Variants in REEP1 observed in about 807,000 individuals in gnomAD.
REEP1 encodes receptor accessory protein 1, also known as receptor expression-enhancing protein 1.
A neutral mutation model predicts 40.3 loss-of-function variants in REEP1; 22 were observed. The observed-to-expected ratio is 0.55, with a 90% CI of 0.39 to 0.78. REEP1 has a LOEUF of 0.78. Among genes scored for constraint, REEP1 ranks in the 30% least tolerant of loss-of-function variants. The pLI, the probability that REEP1 is intolerant of heterozygous loss-of-function variation, is 0.00. For synonymous variants in REEP1, 116 were observed against 139.2 expected, an observed-to-expected ratio of 0.83 and a Z score of 1.17; for missense variants, 280 against 361.1, an observed-to-expected ratio of 0.78 and a Z score of 1.82.
At chr2:86,285,770 T>C (rs1051194509) in intron 1 of REEP1, among the ~76,000 whole-genome samples, 1 of 152,230 alleles carries the variant, frequency 6.6e-6, no homozygotes. Flanking sequence ...TTGAAATGTC[T>C]GTTGAGTAAC....
intron 1 of REEP1, among the ~76,000 whole-genome samples, chr2:86,289,827 C>T (rs1046759179): frequency 8.6e-5 from 13 of 151,916 alleles, no homozygotes; most frequent in Non-Finnish European, 4.4e-5. Flanking sequence ...ATTAGATTTT[C>T]GAGTGGTTAT....
intron 3 of REEP1, 95 bp downstream of exon 3, chr2:86,263,870 G>C: frequency 1.1e-6 from 1 of 876,526 alleles, no homozygotes; most frequent in Non-Finnish European, 2.0e-6. Context: ...GGCCTGAGGT[G>C]AGGTTTGAGG....
At chr2:86,336,042 G>C (rs1014474247) in intron 1 of REEP1, among the ~76,000 whole-genome samples, 1 of 152,086 alleles carries the variant, frequency 6.6e-6, no homozygotes, top group Non-Finnish European at 1.5e-5. Context: ...CACCCTGAGG[G>C]CTTCCCAGAA....
chr2:86,264,114 G>A (rs1677017910), intron 2 of REEP1, 73 bp from the exon 3 acceptor site: 2 of 1,158,132 alleles, frequency 1.7e-6, no homozygotes, highest in Admixed American at 1.7e-5. Flanking sequence ...AGGAAGAACA[G>A]GCCCCGGCGG....
At chr2:86,321,032 G>A (rs576194051) in intron 1 of REEP1, among the ~76,000 whole-genome samples, 1 of 152,272 alleles carries the variant, frequency 6.6e-6, no homozygotes, top group South Asian at 2.1e-4. Flanking sequence ...GACCAGGCTG[G>A]TCTTGAACTC....
At chr2:86,276,938 C>G (rs1356980361) in intron 2 of REEP1, among the ~76,000 whole-genome samples, 2 of 152,206 alleles carry the variant, frequency 1.3e-5, no homozygotes, top group Admixed American at 6.5e-5. Context: ...CTAACGCACT[C>G]ACAACATTTT....
rs558425594 is a variant in REEP1, at chr2:86,318,952, A to G, written c.32+18527T>C. Among the ~76,000 whole-genome samples the G allele has an allele frequency of 3.4e-4, 52 of 152,340 alleles. 1 individual carries two copies. In the South Asian group the frequency reaches 0.011, roughly 31 times the overall value. On this transcript the variant is annotated intron_variant, in intron 1 of 8. Coordinates refer to ENST00000538924, the MANE Select transcript of REEP1 (RefSeq NM_001371279.1). ...CAAAATCAAAAGTGTAATCAATATA[A>G]ATAATATTTGTAAACATTGATATTC...
intron 5 of REEP1, among the ~76,000 whole-genome samples, chr2:86,241,350 AC>A (rs1395988819): frequency 6.6e-6 from 1 of 152,246 alleles, no homozygotes; most frequent in Non-Finnish European, 1.5e-5. Flanking sequence ...ACGCTATCGC[AC>A]GTGATCGAGC....
intron 2 of REEP1, among the ~76,000 whole-genome samples, chr2:86,281,915 T>C (rs1177804532): frequency 6.6e-6 from 1 of 152,188 alleles, no homozygotes; most frequent in Non-Finnish European, 1.5e-5. Flanking sequence ...GTGGCACAGC[T>C]GAGAAACCTC....
chr2:86,285,207 C>T (rs1193065303), intron 1 of REEP1, among the ~76,000 whole-genome samples: 1 of 152,154 alleles, frequency 6.6e-6, no homozygotes, highest in African/African-American at 2.4e-5. Flanking sequence ...TTTCTGGCTG[C>T]TCTTTCTTCT....
intron 3 of REEP1, among the ~76,000 whole-genome samples, chr2:86,263,150 GTATAC>G (rs1676952581): frequency 6.6e-6 from 1 of 152,146 alleles, no homozygotes; most frequent in South Asian, 2.1e-4. Flanking sequence ...GAACTCTCAT[GTATAC>G]TATAATACTG....
At chr2:86,232,217 CG>C (rs1378744592) in intron 6 of REEP1, among the ~76,000 whole-genome samples, 5 of 152,252 alleles carry the variant, frequency 3.3e-5, no homozygotes, top group Admixed American at 6.5e-5. Flanking sequence ...CAGTAAGCCC[CG>C]GGTGAGAAGA....
intron 3 of REEP1, among the ~76,000 whole-genome samples, chr2:86,262,643 T>C (rs1309263110): frequency 2.6e-5 from 4 of 152,256 alleles, no homozygotes; most frequent in African/African-American, 9.6e-5. Flanking sequence ...AATTTCATAC[T>C]GATCCTTTTT....
At chr2:86,324,146 A>G (rs1275577385) in intron 1 of REEP1, among the ~76,000 whole-genome samples, 3 of 152,260 alleles carry the variant, frequency 2.0e-5, no homozygotes, top group South Asian at 2.1e-4. Context: ...AAACGAAAAA[A>G]AAAATGCTGT....
intron 7 of REEP1, 40 bp from the exon 8 acceptor site, chr2:86,220,161 A>G: frequency 1.6e-6 from 2 of 1,214,512 alleles, no homozygotes; most frequent in South Asian, 8.4e-5. Context: ...GAGACAAGGT[A>G]TAGCAAGGAA....
chr2:86,221,586 G>A (rs1049003734), intron 7 of REEP1, among the ~76,000 whole-genome samples: 1 of 152,050 alleles, frequency 6.6e-6, no homozygotes, highest in African/African-American at 2.4e-5. Context: ...AGTGCTTGGA[G>A]GCTGTGCCAC....
intron 1 of REEP1, among the ~76,000 whole-genome samples, chr2:86,324,363 C>T (rs994582570): frequency 1.3e-5 from 2 of 152,138 alleles, no homozygotes; most frequent in Non-Finnish European, 2.9e-5. Flanking sequence ...GAAGAGAGAA[C>T]ATGAATGGCC....
At chr2:86,257,663 G>T (rs1357014760) in intron 3 of REEP1, among the ~76,000 whole-genome samples, 4 of 145,166 alleles carry the variant, frequency 2.8e-5, no homozygotes, top group Non-Finnish European at 4.5e-5. Flanking sequence ...TTGAGACAGA[G>T]TTTCACTCTG....
chr2:86,217,233 G>T (rs921989098), intron 8 of REEP1, 123 bp from the exon 9 acceptor site: 1 of 796,662 alleles, frequency 1.3e-6, no homozygotes, highest in Non-Finnish European at 2.2e-6. Flanking sequence ...GCTGGCTAGG[G>T]CTGGGGTCTC....
Sources: allele counts gnomAD v4.1 joint callset (sites outside exome capture counted in the v4.1 genomes callset), GRCh38; gene constraint gnomAD v4.1.1; transcripts MANE v1.5; gene names NCBI Gene and HGNC (gene_info 2026-07-23, HGNC 2026-07-21).